Variants in LETMD1 observed in about 807,000 individuals in gnomAD.
LETMD1 encodes LETM1 domain-containing protein 1.
In LETMD1, 30 loss-of-function variants were observed where a neutral mutation model predicts 43.9. The observed-to-expected ratio is 0.68, with a 90% CI of 0.51 to 0.93. LETMD1 has a LOEUF of 0.93. LETMD1 is among the 40% of genes least tolerant of loss of function. LETMD1 has a pLI of 0.00. For missense variants in LETMD1, 413 were observed against 447.7 expected, an observed-to-expected ratio of 0.92 and a Z score of 0.70; for synonymous variants, 176 against 163.1, an observed-to-expected ratio of 1.08 and a Z score of -0.60.
Position 51,059,413 on chromosome 12 carries a change from C to A in LETMD1, c.1065C>A (p.Tyr355Ter). ...ACGTGGTCCTGCTCTCCACCAACTA[C>A]CTTGGGACAAGGCGCTGAATGAACC... Reference protein sequence around the residue: ...LHNVVLLSTNYLGTRR With the variant: ...LHNVVLLSTN Residue 355 changes from tyrosine to a stop codon, truncating the protein, a stop_gained, in exon 9 of 9, where the codon TAC (tyrosine) becomes TAA (stop). Transcript: ENST00000262055. LOFTEE classifies it high-confidence loss of function. The A allele has an allele frequency of 1.2e-6, 2 of 1,614,180 alleles. No individual in the cohort carries two copies. Among genetic ancestry groups the A allele is most frequent in the Non-Finnish European group, 1.7e-6 (2 of 1,179,998 alleles).
intron 4 of LETMD1, 99 bp from the exon 5 acceptor site, chr12:51,055,736 C>T (rs374203656): frequency 3.3e-6 from 2 of 602,200 alleles, no homozygotes; most frequent in African/African-American, 3.9e-5. Flanking sequence ...GTGTCTCCAT[C>T]TCTTCTTCCT....
chr12:51,049,843 T>C lies in LETMD1; in HGVS notation c.274+658T>C, dbSNP rs541544002. 9.2e-5 allele frequency among the ~76,000 whole-genome samples: 14 copies of C among 152,334 alleles called. No individual in the cohort carries two copies. In the South Asian group the frequency reaches 2.9e-3, roughly 32 times the overall value. ...CACATGATTGTGAAGACTTTAAAAA[T>C]TGATACATGTAAAGTACCTAGAACA... On this transcript the variant is annotated intron_variant, in intron 2 of 8. Transcript: ENST00000262055.
At chr12:51,067,616 C>T in the LETMD1 span, 3 of 1,550,292 alleles carry the variant, frequency 1.9e-6, no homozygotes, top group Non-Finnish European at 2.6e-6. The surrounding 1 kb of genome is among the most constrained non-coding windows in gnomAD (Gnocchi z 4.1). Flanking sequence ...GTGGCACCCA[C>T]ACCTCACCCC....
chr12:51,050,770 T>G (rs1399966988), intron 2 of LETMD1, among the ~76,000 whole-genome samples: 1 of 151,442 alleles, frequency 6.6e-6, no homozygotes, highest in African/African-American at 2.4e-5. Flanking sequence ...CCCCAGCACT[T>G]TGGGAGGCCG....
chr12:51,067,598 C>T, the LETMD1 span: 10 of 1,447,696 alleles, frequency 6.9e-6, 1 homozygote, highest in South Asian at 1.1e-4. The surrounding 1 kb of genome is among the most constrained non-coding windows in gnomAD (Gnocchi z 4.1). Flanking sequence ...ATGGGCCTCC[C>T]ATGTTCAGTG....
the LETMD1 span, chr12:51,067,641 A>G: frequency 6.2e-7 from 1 of 1,600,596 alleles, no homozygotes; most frequent in African/African-American, 1.3e-5. The surrounding 1 kb of genome is among the most constrained non-coding windows in gnomAD (Gnocchi z 4.1). Context: ...ACCCTGGTGT[A>G]GATATACTAT....
At chr12:51,062,925 G>A (rs1168419196), downstream of LETMD1, 5 of 152,380 alleles carry the variant, frequency 3.3e-5, no homozygotes, top group Non-Finnish European at 7.3e-5. Context: ...TGGGATGGGT[G>A]AGCCCCAGCC....
chr12:51,063,313 C>T (rs1268459089), downstream of LETMD1: 1 of 153,214 alleles, frequency 6.5e-6, no homozygotes, highest in Non-Finnish European at 1.5e-5. Flanking sequence ...TTATGACACA[C>T]CAAAATGGGA....
downstream of LETMD1, chr12:51,064,264 A>G: frequency 6.2e-7 from 1 of 1,613,054 alleles, no homozygotes; most frequent in Non-Finnish European, 8.5e-7. Context: ...AGGCCTGGGC[A>G]CAGCTCTTCG....
chr12:51,055,515 C>T (rs1402283773), intron 4 of LETMD1, among the ~76,000 whole-genome samples: 1 of 151,608 alleles, frequency 6.6e-6, no homozygotes, highest in African/African-American at 2.4e-5. Flanking sequence ...AAATTAAAAA[C>T]TTAGCCAGGC....
rs752896837 is a variant in LETMD1, at chr12:51,059,551, G to T, written c.*120G>T. On this transcript the variant is annotated 3_prime_UTR_variant, in exon 9 of 9. Transcript: ENST00000262055. ...AAGTGTGTGGGAGGCAGAGAGAGGA[G>T]CAGGGGCCATGGGCTTCACAGCATG... 1.2e-6 allele frequency: 1 copy of T among 865,720 alleles called. No individual in the cohort carries two copies. The highest frequency in any genetic ancestry group is 1.9e-6 in the Non-Finnish European group (1 of 520,208). 53.6% of individuals were successfully genotyped at this position (865,720 alleles called of 1,614,324 possible).
chr12:51,061,195 T>TAACA (rs1403719161), downstream of LETMD1: 1 of 152,252 alleles, frequency 6.6e-6, no homozygotes. Flanking sequence ...AGACAAAGAG[T>TAACA]AACACATCAT....
chr12:51,059,405 A>T lies in LETMD1; in HGVS notation c.1057A>T (p.Thr353Ser). Residue 353 changes from threonine (T) to serine (S), a missense_variant, in exon 9 of 9, where the codon ACC becomes TCC. Thr to Ser is a moderately conservative substitution (Grantham distance 58). Coordinates refer to ENST00000262055, the MANE Select transcript of LETMD1 (RefSeq NM_015416.5). ...GCTGCACAACGTGGTCCTGCTCTCC[A>T]CCAACTACCTTGGGACAAGGCGCTG... ...LLLHNVVLLS[T>S]NYLGTRR The T allele has an allele frequency of 1.2e-6, 2 of 1,614,202 alleles. No individual in the cohort carries two copies. The highest frequency in any genetic ancestry group is 1.7e-6 in the Non-Finnish European group (2 of 1,180,016).
At chr12:51,066,250 C>T in the LETMD1 span, among the ~76,000 whole-genome samples, 2,041 of 151,890 alleles carry the variant, frequency 0.013, 51 homozygotes, top group African/African-American at 0.046. Context: ...GTCAAGAGAT[C>T]GAGACCATCC....
intron 2 of LETMD1, 193 bp downstream of exon 2, chr12:51,049,378 T>G: frequency 1.8e-6 from 1 of 542,676 alleles, no homozygotes. Context: ...AAAGATGTTA[T>G]GAGAAACAAC....
intron 3 of LETMD1, among the ~76,000 whole-genome samples, chr12:51,053,377 T>C (rs1321598860): frequency 3.3e-5 from 5 of 152,218 alleles, no homozygotes; most frequent in Non-Finnish European, 1.5e-5. Flanking sequence ...CATGCAGTGC[T>C]CATGCCTGTA....
In LETMD1 at chr12:51,057,936, T is replaced by C. The variant is rs562032344; in HGVS notation, c.916-96T>C. The C allele has an allele frequency of 1.1e-4, 100 of 933,228 alleles. No individual in the cohort carries two copies. In the Middle Eastern group the frequency reaches 3.1e-3, roughly 29 times the overall value. The allele number at this position is 933,228 out of a possible 1,614,324, so 57.8% of individuals were successfully genotyped here. A position where few individuals can be genotyped will look rare whatever the true frequency, so the allele number is the denominator to read the frequency against. ...CACCGTGCCCGGTGAGATTGTAACT[T>C]ATTTAAAGGAGATTTAGGATTGTTT... is the stretch of plus-strand genomic sequence containing the variant. On this transcript the variant is annotated intron_variant, in intron 7 of 8. Transcript: ENST00000262055.
intron 2 of LETMD1, among the ~76,000 whole-genome samples, chr12:51,051,206 C>T (rs1351262337): frequency 4.7e-5 from 7 of 148,060 alleles, no homozygotes; most frequent in Non-Finnish European, 8.9e-5. Flanking sequence ...GAGTTTGAGA[C>T]CAGCCTGGCC....
intron 8 of LETMD1, chr12:51,058,837 C>T (rs1948464480): frequency 6.1e-6 from 1 of 164,936 alleles, no homozygotes; most frequent in Admixed American, 5.8e-5. Flanking sequence ...TAGACATTGC[C>T]AAATGTCCTA....
Sources: allele counts gnomAD v4.1 joint callset (sites outside exome capture counted in the v4.1 genomes callset), GRCh38; gene constraint gnomAD v4.1.1; non-coding constraint Gnocchi (gnomAD v3.1); transcripts MANE v1.5; gene names NCBI Gene and HGNC (gene_info 2026-07-23, HGNC 2026-07-21).